PDSS2: variants seen among roughly 807,000 people sequenced by gnomAD.
The protein encoded by PDSS2 is all trans-polyprenyl-diphosphate synthase PDSS2.
PDSS2 carries 31 observed loss-of-function variants against 44.5 expected under a neutral mutation model. The observed-to-expected ratio is 0.70, with a 90% confidence interval of 0.52 to 0.94. The LOEUF is 0.94. PDSS2 is among the 40% of genes least tolerant of loss of function. The probability of loss-of-function intolerance (pLI) is 0.00; values close to 1 mark genes in which losing one functional copy is unlikely to be tolerated. For missense variants in PDSS2, 452 were observed against 482.2 expected, an observed-to-expected ratio of 0.94 and a Z score of 0.59; for synonymous variants, 157 against 180.3, an observed-to-expected ratio of 0.87 and a Z score of 1.03.
intron 2 of PDSS2, among the ~76,000 whole-genome samples, chr6:107,297,350 A>G (rs1776541711): frequency 6.6e-6 from 1 of 152,096 alleles, no homozygotes; most frequent in South Asian, 2.1e-4. Context: ...GTATCTGGAA[A>G]ACATGTAAAC....
At chr6:107,161,474 C>G (rs529098935) in intron 7 of PDSS2, among the ~76,000 whole-genome samples, 3 of 136,506 alleles carry the variant, frequency 2.2e-5, no homozygotes, top group African/African-American at 7.8e-5. Flanking sequence ...AGCGAGACTC[C>G]GTCTCAGGAA....
At chr6:107,387,482 G>C (rs1287353452) in intron 1 of PDSS2, among the ~76,000 whole-genome samples, 3 of 152,146 alleles carry the variant, frequency 2.0e-5, no homozygotes. Context: ...AAATTACAGA[G>C]ACAGAAGGAA....
chr6:107,264,953 T>A (rs1284701618), intron 3 of PDSS2, among the ~76,000 whole-genome samples: 2 of 152,174 alleles, frequency 1.3e-5, no homozygotes, highest in Admixed American at 6.5e-5. Context: ...CTTTGTACAG[T>A]GAAGTACTAA....
chr6:107,231,745 TGAGGTCAGG>T (rs1774056764), intron 4 of PDSS2, among the ~76,000 whole-genome samples: 1 of 152,184 alleles, frequency 6.6e-6, no homozygotes, highest in Non-Finnish European at 1.5e-5. Flanking sequence ...ATGGATCAGC[TGAGGTCAGG>T]AGTTACAGAC....
At chr6:107,257,383 C>CA (rs1045228033) in intron 3 of PDSS2, among the ~76,000 whole-genome samples, 3 of 151,396 alleles carry the variant, frequency 2.0e-5, no homozygotes, top group African/African-American at 7.3e-5. Flanking sequence ...ACAAAAACTT[C>CA]AAAAAATTAA....
intron 1 of PDSS2, among the ~76,000 whole-genome samples, chr6:107,439,828 T>C (rs1781463799): frequency 6.6e-6 from 1 of 151,958 alleles, no homozygotes; most frequent in Non-Finnish European, 1.5e-5. Context: ...ACAAGGTAGT[T>C]TGGGAAAGGA....
chr6:107,423,283 A>G lies in PDSS2; in HGVS notation c.296+35707T>C, dbSNP rs1024954741. ...TTGTCATAGAAGAAAGCTGGACAGC[A>G]AAAAGGGAAAAGAGAATAAAATGAC... On this transcript the variant is annotated intron_variant, in intron 1 of 7. Transcript: ENST00000369037. 2.0e-5 allele frequency among the ~76,000 whole-genome samples: 3 copies of G among 152,234 alleles called. No individual in the cohort carries two copies. The South Asian group carries it at 6.2e-4, about 31-fold the overall frequency.
intron 1 of PDSS2, among the ~76,000 whole-genome samples, chr6:107,422,286 T>C (rs1780851690): frequency 6.6e-6 from 1 of 152,010 alleles, no homozygotes. Flanking sequence ...TTAGTATTAA[T>C]ATTCAACATA....
At chr6:107,285,273 A>C (rs1283611234) in intron 2 of PDSS2, among the ~76,000 whole-genome samples, 1 of 152,208 alleles carries the variant, frequency 6.6e-6, no homozygotes, top group Non-Finnish European at 1.5e-5. Flanking sequence ...AATTACAAAA[A>C]AACAAAACTT....
At position 107,228,695 on chromosome 6, in the gene PDSS2, A is replaced by AAAAT. The variant is rs61470983; in HGVS notation, c.703-16417_703-16414dup. Among the ~76,000 whole-genome samples, 521 of 141,164 alleles carry AAAAT rather than the reference A, an allele frequency of 3.7e-3. 3 individuals are homozygous for AAAAT. The highest frequency in any genetic ancestry group is 0.011 in the African/African-American group (439 of 39,080). 92.6% of individuals were successfully genotyped at this position (141,164 alleles called of 152,430 possible). On this transcript the variant is annotated intron_variant, in intron 4 of 7. Coordinates refer to ENST00000369037, the MANE Select transcript of PDSS2 (RefSeq NM_020381.4). ...GGGTGACAGAGGGAGACTCTATCTCAAAATAAATAAATAAATAAATAAATA... is the reference window on the plus strand; with the variant it reads ...GGGTGACAGAGGGAGACTCTATCTCAAAATAAATAAATAAATAAATAAATAAATA...
chr6:107,298,251 A>G (rs1776575020), intron 2 of PDSS2, among the ~76,000 whole-genome samples: 1 of 152,206 alleles, frequency 6.6e-6, no homozygotes, highest in South Asian at 2.1e-4. Context: ...GGCCATTGGT[A>G]TTGGTGGGTT....
intron 2 of PDSS2, among the ~76,000 whole-genome samples, chr6:107,279,996 A>G (rs1775907584): frequency 2.0e-5 from 3 of 152,212 alleles, no homozygotes. Flanking sequence ...TTAAAAAATT[A>G]TCTTAAATAA....
intron 1 of PDSS2, among the ~76,000 whole-genome samples, chr6:107,411,420 G>A (rs2114652014): frequency 6.6e-6 from 1 of 152,338 alleles, no homozygotes; most frequent in African/African-American, 2.4e-5. Flanking sequence ...TTACCAATGT[G>A]ACAGGTAGAA....
intron 1 of PDSS2, among the ~76,000 whole-genome samples, chr6:107,413,001 C>T (rs1780551780): frequency 6.6e-6 from 1 of 152,044 alleles, no homozygotes; most frequent in South Asian, 2.1e-4. Flanking sequence ...TAATTTCTGC[C>T]CTATTAGGCT....
At chr6:107,225,196 G>T (rs1454043265) in intron 4 of PDSS2, among the ~76,000 whole-genome samples, 1 of 89,264 alleles carries the variant, frequency 1.1e-5, no homozygotes, top group Non-Finnish European at 1.9e-5. Context: ...TTTTGAGACA[G>T]AGTGTCACTC....
intron 1 of PDSS2, among the ~76,000 whole-genome samples, chr6:107,443,275 T>C (rs148461949): frequency 1.9e-4 from 29 of 152,340 alleles, no homozygotes; most frequent in African/African-American, 6.5e-4. Context: ...CACATCTGCT[T>C]AGGTCTGTCT....
intron 1 of PDSS2, among the ~76,000 whole-genome samples, chr6:107,376,370 G>T (rs868289893): frequency 2.0e-5 from 3 of 151,794 alleles, no homozygotes; most frequent in Non-Finnish European, 2.9e-5. Flanking sequence ...CCATTTTCAC[G>T]ATATTGATTC....
chr6:107,192,032 A>G (rs960524639), intron 7 of PDSS2, among the ~76,000 whole-genome samples: 9 of 152,170 alleles, frequency 5.9e-5, no homozygotes, highest in African/African-American at 2.2e-4. Flanking sequence ...TTTGCTGTCA[A>G]CCTAAAACTG....
chr6:107,443,889 T>G (rs1310995100), intron 1 of PDSS2, among the ~76,000 whole-genome samples: 2 of 152,208 alleles, frequency 1.3e-5, no homozygotes, highest in South Asian at 2.1e-4. Context: ...AGGTACTGTG[T>G]ATGTCTCCCC....
Sources: allele counts gnomAD v4.1 joint callset (sites outside exome capture counted in the v4.1 genomes callset), GRCh38; gene constraint gnomAD v4.1.1; transcripts MANE v1.5; gene names NCBI Gene and HGNC (gene_info 2026-07-23, HGNC 2026-07-21).